Variants in USP50 observed in about 807,000 individuals in gnomAD.
USP50 encodes ubiquitin carboxyl-terminal hydrolase 50.
USP50 carries 37 observed loss-of-function variants against 39.2 expected under a neutral mutation model. That is an observed-to-expected ratio of 0.94 (90% CI 0.73 to 1.24). USP50 has a LOEUF of 1.24. Ranked by LOEUF, USP50 falls within the 50% of genes most tolerant of loss-of-function variation. USP50 has a pLI of 0.00. For missense variants in USP50, 374 were observed against 398.2 expected, an observed-to-expected ratio of 0.94 and a Z score of 0.52; for synonymous variants, 139 against 144.5, an observed-to-expected ratio of 0.96 and a Z score of 0.27.
downstream of USP50, chr15:50,499,493 G>A (rs1048244834): frequency 6.5e-6 from 1 of 153,480 alleles, no homozygotes; most frequent in East Asian, 1.9e-4. Flanking sequence ...GAATGTATGT[G>A]TACATATTTA....
Position 50,541,173 on chromosome 15 carries a change from TG to T in USP50, c.535del (p.Gln179SerfsTer14). The stretch of plus-strand genomic sequence containing the variant: ...ATAATTGAGCTGCTCTTCAAACAGC[TG>T]GGTGATGATGGATGTCTCAGTGGTA... ...WITTETSIIT[Q>X]LFEEQLNYSI... On this transcript the variant is annotated frameshift_variant, in exon 4 of 7. Transcript: ENST00000532404. LOFTEE classifies it high-confidence loss of function. 1 of 1,614,020 alleles carries T rather than the reference TG, an allele frequency of 6.2e-7. No homozygotes were observed. Among genetic ancestry groups the T allele is most frequent in the Non-Finnish European group, 8.5e-7 (1 of 1,179,894 alleles).
chr15:50,530,914 T>TG (rs946874490), intron 5 of USP50, among the ~76,000 whole-genome samples: 1 of 152,158 alleles, frequency 6.6e-6, no homozygotes, highest in African/African-American at 2.4e-5. Flanking sequence ...GTCTTGGCAA[T>TG]GTCCTGTTTT....
intron 6 of USP50, among the ~76,000 whole-genome samples, chr15:50,516,550 G>A (rs969500965): frequency 3.9e-5 from 6 of 152,140 alleles, no homozygotes; most frequent in African/African-American, 1.4e-4. Context: ...CCAGGAGGCG[G>A]AGGTTGCAGT....
intron 6 of USP50, among the ~76,000 whole-genome samples, chr15:50,521,672 C>G (rs2052851726): frequency 6.6e-6 from 1 of 152,050 alleles, no homozygotes. Flanking sequence ...AACTCAAAAT[C>G]AGAAATGAAG....
chr15:50,545,498 G>T (rs571903008), intron 1 of USP50, among the ~76,000 whole-genome samples: 1 of 150,914 alleles, frequency 6.6e-6, no homozygotes, highest in African/African-American at 2.4e-5. Flanking sequence ...AAGATATTTG[G>T]ATTTACATAT....
chr15:50,531,225 A>G (rs927672771), intron 5 of USP50, among the ~76,000 whole-genome samples: 1 of 152,198 alleles, frequency 6.6e-6, no homozygotes, highest in Admixed American at 6.5e-5. Flanking sequence ...TATCATCCCA[A>G]GAGAAATGAA....
At chr15:50,543,526 A>C in intron 3 of USP50, 72 bp downstream of exon 3, 1 of 1,433,894 alleles carries the variant, frequency 7.0e-7, no homozygotes, top group Non-Finnish European at 9.6e-7. Flanking sequence ...TGAACAAGTA[A>C]AAGAATGAAA....
chr15:50,511,876 T>C (rs554539997), intron 6 of USP50: 18 of 152,184 alleles, frequency 1.2e-4, no homozygotes, highest in African/African-American at 3.6e-4. Flanking sequence ...TGCACACCTG[T>C]GGTCCCAGCT....
At chr15:50,502,046 G>A (rs1345865652) in intron 6 of USP50, 1 of 152,164 alleles carries the variant, frequency 6.6e-6, no homozygotes, top group Non-Finnish European at 1.5e-5. Context: ...TTTACTGTTT[G>A]GCCTTTAACA....
At chr15:50,527,267 C>G (rs1036544204) in intron 6 of USP50, among the ~76,000 whole-genome samples, 3 of 152,132 alleles carry the variant, frequency 2.0e-5, no homozygotes, top group African/African-American at 7.2e-5. Flanking sequence ...TGCAGTGGCA[C>G]GATCTCAGCT....
In USP50 at chr15:50,543,682, G is replaced by A. The variant is rs1313206372; in HGVS notation, c.360C>T (p.Tyr120=). ...GTTGCATCTTTTTCGTAAATGCTGG[G>A]TAGAGGTTGCCAAGAGCTGACCAGA... ...EIFWSALGNL[Y]PAFTKKMQQD... is the part of the protein sequence containing the mutation. Residue 120 remains tyrosine, a synonymous_variant, in exon 3 of 7, where the codon TAC becomes TAT. Transcript: ENST00000532404. The A allele has an allele frequency of 1.2e-6, 2 of 1,613,316 alleles. No individual in the cohort carries two copies. Among genetic ancestry groups the A allele is most frequent in the Admixed American group, 1.7e-5 (1 of 59,918 alleles).
In USP50 at chr15:50,544,673, G is replaced by T. The variant is rs61761598; in HGVS notation, c.162C>A (p.Cys54Ter). The T allele has an allele frequency of 2.4e-4, 389 of 1,613,784 alleles. 1 individual carries two copies. The highest frequency in any genetic ancestry group is 2.9e-4 in the Non-Finnish European group (347 of 1,179,868). Residue 54 changes from cysteine (C) to a stop codon, truncating the protein, a stop_gained, in exon 2 of 7, where the codon TGC (cysteine) becomes TGA (stop). Coordinates refer to ENST00000532404, the MANE Select transcript of USP50 (RefSeq NM_203494.5). LOFTEE classifies it high-confidence loss of function. ...AGAGACACTGTGAGATGGCATTCACGCAGCATGTGTTGCCCAAGTTCCACA... is the reference window on the plus strand; with the variant it reads ...AGAGACACTGTGAGATGGCATTCACTCAGCATGTGTTGCCCAAGTTCCACA... ...TGLWNLGNTC[C>*]VNAISQCLCS... is the part of the protein sequence containing the mutation.
chr15:50,530,716 A>G (rs1385236816), intron 5 of USP50, among the ~76,000 whole-genome samples: 1 of 152,208 alleles, frequency 6.6e-6, no homozygotes, highest in Admixed American at 6.5e-5. Flanking sequence ...AATTTGAATC[A>G]AGGAGTGAGA....
Position 50,538,728 on chromosome 15 carries a change from T to C in USP50, c.784A>G (p.Ile262Val). Residue 262 changes from isoleucine (I) to valine (V), a missense_variant, in exon 5 of 7, where the codon ATT becomes GTT. Transcript: ENST00000532404. ...RASISKAPKI[I>V]IFHLKRFDIQ... ...CCATACCTTTTTAGGTGGAAAATAA[T>C]TATTTTTGGTGCTTTGGAAATACTG... The C allele has an allele frequency of 6.3e-7, 1 of 1,597,908 alleles. No individual in the cohort carries two copies. The highest frequency in any genetic ancestry group is 8.5e-7 in the Non-Finnish European group (1 of 1,172,678).
At position 50,529,829 on chromosome 15, in the gene USP50, T is replaced by C; in HGVS notation, c.904A>G (p.Lys302Glu). 6.2e-7 allele frequency: 1 copy of C among 1,613,900 alleles called. No homozygotes were observed. The highest frequency in any genetic ancestry group is 8.5e-7 in the Non-Finnish European group (1 of 1,179,854). The change falls in exon 6 of 7, where the codon AAA becomes GAA. Residue 302 changes from lysine to glutamate, a missense_variant. Physicochemically the swap from Lys to Glu is moderately conservative, Grantham distance 56. Transcript: ENST00000532404. Reference protein sequence around the residue: ...LTPYICSIFRKYPKYNLCAVV... With the variant: ...LTPYICSIFREYPKYNLCAVV... ...GCACAGAGGTTGTATTTAGGATATTTCCGGAAAATTGAGCAAATATAAGGA... is the reference window on the plus strand; with the variant it reads ...GCACAGAGGTTGTATTTAGGATATTCCCGGAAAATTGAGCAAATATAAGGA...
intron 6 of USP50, chr15:50,508,291 T>A (rs987794819): frequency 1.3e-5 from 2 of 152,142 alleles, no homozygotes; most frequent in Non-Finnish European, 2.9e-5. Flanking sequence ...GATGCACTGA[T>A]GTCTGAGAAT....
rs1161901644 is a variant in USP50 at position 50,541,116 on chromosome 15, G to A, written c.593C>T (p.Thr198Ile). 6.2e-7 allele frequency: 1 copy of A among 1,613,764 alleles called. No individual in the cohort carries two copies. Among genetic ancestry groups the A allele is most frequent in the Non-Finnish European group, 8.5e-7 (1 of 1,179,880 alleles). Residue 198 changes from threonine (T) to isoleucine (I), a missense_variant, in exon 4 of 7, where the codon ACC becomes ATC. Thr to Ile is a moderately conservative substitution (Grantham distance 89, BLOSUM62 -1). Coordinates refer to ENST00000532404, the MANE Select transcript of USP50 (RefSeq NM_203494.5). ...GACAGTGAAGACTTCGTTCTTGTAG[G>A]TGCATTTCTCACACTTTAAACATAC... is the stretch of plus-strand genomic sequence containing the variant. ...SIVCLKCEKC[T>I]YKNEVFTVFS...
chr15:50,498,453 A>C, downstream of USP50: 2 of 1,094,574 alleles, frequency 1.8e-6, no homozygotes, highest in Non-Finnish European at 2.5e-6. Flanking sequence ...AATGTCTTTA[A>C]CAGGTTCCTC....
At chr15:50,525,696 T>C (rs970140705) in intron 6 of USP50, among the ~76,000 whole-genome samples, 4 of 109,430 alleles carry the variant, frequency 3.7e-5, no homozygotes, top group Non-Finnish European at 7.5e-5. Flanking sequence ...TATATGTATA[T>C]GTATATATAT....
Sources: gnomAD v4.1 joint callset for allele counts (sites outside exome capture counted in the v4.1 genomes callset) on GRCh38, gnomAD v4.1.1 for gene constraint, MANE v1.5 for transcripts, NCBI Gene and HGNC (gene_info 2026-07-23, HGNC 2026-07-21) for gene names.